Variants in WWOX observed in about 807,000 individuals in gnomAD.
The protein encoded by WWOX is WW domain-containing oxidoreductase.
A neutral mutation model predicts 46.2 loss-of-function variants in WWOX; 69 were observed. The observed-to-expected ratio is 1.49, with a 90% confidence interval of 1.23 to 1.82. WWOX has a LOEUF of 1.82. Ranked by LOEUF, WWOX falls within the 40% of genes most tolerant of loss-of-function variation. WWOX has a pLI of 0.00. For synonymous variants in WWOX, 359 were observed against 202.6 expected (o/e 1.77, Z -6.56); for missense variants, 919 against 542.6 (o/e 1.69, Z -6.89).
At chr16:78,719,300 C>G (rs907432149) in intron 8 of WWOX, among the ~76,000 whole-genome samples, 15 of 152,214 alleles carry the variant, frequency 9.9e-5, no homozygotes, top group African/African-American at 3.6e-4. Flanking sequence ...GGGGAGCCTT[C>G]CCTGTGGAAG....
chr16:79,044,116 C>T (rs1195402238), intron 8 of WWOX, among the ~76,000 whole-genome samples: 2 of 152,128 alleles, frequency 1.3e-5, no homozygotes, highest in African/African-American at 4.8e-5. Context: ...GAAATATAAG[C>T]AAAAGAAAAG....
intron 5 of WWOX, among the ~76,000 whole-genome samples, chr16:78,332,100 A>G (rs1368671813): frequency 6.6e-6 from 1 of 152,126 alleles, no homozygotes; most frequent in Non-Finnish European, 1.5e-5. Context: ...GCCATGAAAG[A>G]CAACTTAGGT....
chr16:78,447,046 T>C (rs528078461), intron 8 of WWOX, among the ~76,000 whole-genome samples: 1 of 152,314 alleles, frequency 6.6e-6, no homozygotes, highest in Admixed American at 6.5e-5. Flanking sequence ...TTATTTATGC[T>C]TCTCTGTACT....
intron 5 of WWOX, among the ~76,000 whole-genome samples, chr16:78,192,491 CAAAAAAAAAA>C (rs56109773): frequency 1.1e-5 from 1 of 87,520 alleles, no homozygotes; most frequent in South Asian, 4.6e-4. Flanking sequence ...GACTCCGTCT[CAAAAAAAAAA>C]AAAAAAAAAA....
At chr16:78,534,468 A>G (rs2043708160) in intron 8 of WWOX, 1 of 152,218 alleles carries the variant, frequency 6.6e-6, no homozygotes, top group Non-Finnish European at 1.5e-5. Flanking sequence ...CTCAATTTTG[A>G]TTCAGACGTC....
intron 8 of WWOX, among the ~76,000 whole-genome samples, chr16:78,861,802 A>C (rs532851417): frequency 4.5e-4 from 68 of 152,322 alleles, no homozygotes; most frequent in African/African-American, 1.5e-3. Context: ...AAGTCCAGAA[A>C]TTGTTGAAAT....
At chr16:78,229,552 C>G (rs2037185043) in intron 5 of WWOX, among the ~76,000 whole-genome samples, 1 of 149,328 alleles carries the variant, frequency 6.7e-6, no homozygotes, top group African/African-American at 2.5e-5. Context: ...ATGAAATGGA[C>G]TGTTTGCAAC....
At chr16:78,475,530 G>T (rs2084330799) in intron 8 of WWOX, among the ~76,000 whole-genome samples, 1 of 152,292 alleles carries the variant, frequency 6.6e-6, no homozygotes, top group East Asian at 1.9e-4. Context: ...TTGGGTTGAA[G>T]ATAACTAGAG....
intron 8 of WWOX, among the ~76,000 whole-genome samples, chr16:78,504,045 G>T (rs780279780): frequency 6.6e-6 from 1 of 152,044 alleles, no homozygotes; most frequent in African/African-American, 2.4e-5. Flanking sequence ...GTCAGTCAGG[G>T]GGAAAAAAGT....
At chr16:78,706,583 G>A (rs1278185329) in intron 8 of WWOX, among the ~76,000 whole-genome samples, 1 of 152,154 alleles carries the variant, frequency 6.6e-6, no homozygotes, top group Non-Finnish European at 1.5e-5. Context: ...CACACTTGGT[G>A]CAGTCTCTCT....
At chr16:78,742,843 C>T (rs1597530232) in intron 8 of WWOX, among the ~76,000 whole-genome samples, 1 of 152,138 alleles carries the variant, frequency 6.6e-6, no homozygotes, top group Non-Finnish European at 1.5e-5. Context: ...ACAGCCATTG[C>T]GAGTCTCATG....
chr16:78,455,625 C>G (rs1193171950), intron 8 of WWOX, among the ~76,000 whole-genome samples: 1 of 85,892 alleles, frequency 1.2e-5, no homozygotes, highest in Non-Finnish European at 2.0e-5. Context: ...CCTGGGTTAA[C>G]AGAGCAAGAC....
intron 8 of WWOX, among the ~76,000 whole-genome samples, chr16:78,945,731 C>A (rs921906326): frequency 6.6e-6 from 1 of 151,864 alleles, no homozygotes; most frequent in Admixed American, 6.6e-5. Context: ...TCATTCATTT[C>A]TTTCCAGGTT....
chr16:78,536,076 G>A (rs2043752417), intron 8 of WWOX, among the ~76,000 whole-genome samples: 1 of 152,166 alleles, frequency 6.6e-6, no homozygotes, highest in African/African-American at 2.4e-5. Context: ...TTTATAAATT[G>A]CTTGCCATGG....
chr16:78,274,676 G>A (rs2082217920), intron 5 of WWOX, among the ~76,000 whole-genome samples: 1 of 152,046 alleles, frequency 6.6e-6, no homozygotes, highest in African/African-American at 2.4e-5. Context: ...CTTCTGCATT[G>A]GCTTCAGGCT....
intron 8 of WWOX, among the ~76,000 whole-genome samples, chr16:78,444,859 A>ATT (rs1023474114): frequency 3.3e-5 from 5 of 152,226 alleles, no homozygotes; most frequent in African/African-American, 1.2e-4. Context: ...AATGGAATAT[A>ATT]TTTGACTTCA....
At chr16:78,883,733 A>C (rs984852326) in intron 8 of WWOX, among the ~76,000 whole-genome samples, 4 of 151,612 alleles carry the variant, frequency 2.6e-5, no homozygotes, top group Non-Finnish European at 5.9e-5. Flanking sequence ...CAAAAAAAAA[A>C]AAGAAAAAAA....
chr16:78,724,054 A>G (rs114654612), intron 8 of WWOX, among the ~76,000 whole-genome samples: 2,072 of 152,274 alleles, frequency 0.014, 49 homozygotes, highest in African/African-American at 0.047. Context: ...CAGGACTGGA[A>G]GCAGCATATC....
At chr16:78,262,988 C>G (rs1003018171) in intron 5 of WWOX, among the ~76,000 whole-genome samples, 3 of 152,172 alleles carry the variant, frequency 2.0e-5, no homozygotes, top group African/African-American at 7.2e-5. Context: ...ATGGGCTTGC[C>G]TTATTTTTTC....
Sources: allele counts gnomAD v4.1 joint callset (sites outside exome capture counted in the v4.1 genomes callset), GRCh38; gene constraint gnomAD v4.1.1; transcripts MANE v1.5; gene names NCBI Gene and HGNC (gene_info 2026-07-23, HGNC 2026-07-21).